Variants in RPS6KC1 observed in about 807,000 individuals in gnomAD.
The protein encoded by RPS6KC1 is ribosomal protein S6 kinase C1.
A neutral mutation model predicts 103.8 loss-of-function variants in RPS6KC1; 54 were observed. That is an observed-to-expected ratio of 0.52 (90% CI 0.42 to 0.65). The LOEUF is 0.65. Ranked by LOEUF, RPS6KC1 falls within the 30% of genes least tolerant of loss-of-function variation. The probability of loss-of-function intolerance (pLI) is 0.00; values close to 1 mark genes in which losing one functional copy is unlikely to be tolerated. For missense variants in RPS6KC1, 1,151 were observed against 1,253.8 expected, an observed-to-expected ratio of 0.92 and a Z score of 1.24; for synonymous variants, 439 against 438.7, an observed-to-expected ratio of 1.00 and a Z score of -0.01.
chr1:213,319,406 G>T, the RPS6KC1 span, among the ~76,000 whole-genome samples: 1 of 151,856 alleles, frequency 6.6e-6, no homozygotes, highest in Admixed American at 6.6e-5. Context: ...GACAGAGTAG[G>T]CAAGGAAGAC....
At chr1:213,545,370 TCAAA>T in the RPS6KC1 span, among the ~76,000 whole-genome samples, 6 of 99,740 alleles carry the variant, frequency 6.0e-5, no homozygotes, top group South Asian at 9.2e-4. Flanking sequence ...AAACTCTGTC[TCAAA>T]TAAATAAATA....
At chr1:213,287,232 ATGTGTGTGTGTG>A in the RPS6KC1 span, among the ~76,000 whole-genome samples, 867 of 146,016 alleles carry the variant, frequency 5.9e-3, 3 homozygotes, top group Non-Finnish European at 8.0e-3. Context: ...TGCCTATACA[ATGTGTGTGTGTG>A]TGTGTGTGTG....
At chr1:213,223,898 GTCC>G (rs2093897779) in intron 8 of RPS6KC1, among the ~76,000 whole-genome samples, 1 of 152,174 alleles carries the variant, frequency 6.6e-6, no homozygotes, top group Non-Finnish European at 1.5e-5. Flanking sequence ...GAGACAGACA[GTCC>G]CTGAAATTAC....
the RPS6KC1 span, among the ~76,000 whole-genome samples, chr1:213,324,784 A>G: frequency 4.0e-5 from 6 of 151,880 alleles, no homozygotes; most frequent in Admixed American, 3.9e-4. Context: ...TCACACAGGA[A>G]GCTGTGAGAT....
chr1:213,602,268 T>C, the RPS6KC1 span, among the ~76,000 whole-genome samples: 1 of 139,286 alleles, frequency 7.2e-6, no homozygotes, highest in Non-Finnish European at 1.5e-5. Flanking sequence ...TTTTTCTTTT[T>C]TTTTTTTCCA....
the RPS6KC1 span, among the ~76,000 whole-genome samples, chr1:213,348,383 G>A: frequency 6.6e-6 from 1 of 152,122 alleles, no homozygotes; most frequent in Admixed American, 6.6e-5. Context: ...GACTCATTTT[G>A]GAGAGGGCAG....
At chr1:213,795,603 A>C in the RPS6KC1 span, among the ~76,000 whole-genome samples, 1 of 151,980 alleles carries the variant, frequency 6.6e-6, no homozygotes, top group Non-Finnish European at 1.5e-5. Flanking sequence ...CAACAAAATC[A>C]CTCCAAAAGT....
the RPS6KC1 span, among the ~76,000 whole-genome samples, chr1:213,854,566 C>CTTTCTTTCTT: frequency 1.1e-3 from 68 of 61,870 alleles, 1 homozygote; most frequent in Middle Eastern, 0.01. Flanking sequence ...CTTTCTTTCT[C>CTTTCTTTCTT]TCTCTCTCTC....
At chr1:213,451,401 C>A in the RPS6KC1 span, among the ~76,000 whole-genome samples, 1 of 152,180 alleles carries the variant, frequency 6.6e-6, no homozygotes, top group Non-Finnish European at 1.5e-5. Context: ...TGTCTTCAAG[C>A]TCAACTTATT....
chr1:213,552,177 C>T, the RPS6KC1 span, among the ~76,000 whole-genome samples: 6 of 152,224 alleles, frequency 3.9e-5, no homozygotes, highest in Non-Finnish European at 7.3e-5. Context: ...GTGCAGGTTT[C>T]TGTGTGGACA....
At chr1:213,189,516 A>G (rs2092673847) in intron 8 of RPS6KC1, among the ~76,000 whole-genome samples, 5 of 149,326 alleles carry the variant, frequency 3.3e-5, no homozygotes, top group Admixed American at 2.7e-4. Context: ...TTTTATTTTT[A>G]ATTTTTGTGG....
intron 4 of RPS6KC1, among the ~76,000 whole-genome samples, chr1:213,116,032 G>A (rs1386887242): frequency 2.0e-5 from 3 of 152,046 alleles, no homozygotes; most frequent in African/African-American, 7.2e-5. Flanking sequence ...ATATTCTGTT[G>A]ATTTGGGGTG....
chr1:213,773,814 A>C, the RPS6KC1 span, among the ~76,000 whole-genome samples: 1 of 152,224 alleles, frequency 6.6e-6, no homozygotes, highest in Non-Finnish European at 1.5e-5. Context: ...ACTTAAGGTC[A>C]ACTGATTGCA....
At chr1:213,463,698 C>T in the RPS6KC1 span, among the ~76,000 whole-genome samples, 2 of 152,076 alleles carry the variant, frequency 1.3e-5, no homozygotes, top group Non-Finnish European at 2.9e-5. Flanking sequence ...CACTCAAGGG[C>T]AATTTTATGC....
At chr1:213,567,127 A>G in the RPS6KC1 span, among the ~76,000 whole-genome samples, 1 of 152,204 alleles carries the variant, frequency 6.6e-6, no homozygotes, top group Non-Finnish European at 1.5e-5. Flanking sequence ...TAGAATATGC[A>G]TCTACAGTAA....
chr1:213,506,240 T>G, the RPS6KC1 span, among the ~76,000 whole-genome samples: 1 of 152,196 alleles, frequency 6.6e-6, no homozygotes, highest in African/African-American at 2.4e-5. Flanking sequence ...AATTGGTAAG[T>G]AACGAGATGA....
chr1:213,834,901 G>A, the RPS6KC1 span, among the ~76,000 whole-genome samples: 17 of 152,314 alleles, frequency 1.1e-4, no homozygotes, highest in East Asian at 3.3e-3. Flanking sequence ...TGGGGAAATC[G>A]CAGCCATCAA....
intron 6 of RPS6KC1, among the ~76,000 whole-genome samples, chr1:213,145,532 T>C (rs904072671): frequency 5.9e-5 from 9 of 151,938 alleles, no homozygotes; most frequent in African/African-American, 2.2e-4. Flanking sequence ...AAAAAAGATA[T>C]CCCAAAAGGA....
intron 4 of RPS6KC1, among the ~76,000 whole-genome samples, chr1:213,113,385 C>A (rs2083235625): frequency 6.6e-6 from 1 of 152,070 alleles, no homozygotes; most frequent in Non-Finnish European, 1.5e-5. Flanking sequence ...CTGTTCTTGT[C>A]CTTCGCCCAC....
Sources: allele counts gnomAD v4.1 joint callset (sites outside exome capture counted in the v4.1 genomes callset), GRCh38; gene constraint gnomAD v4.1.1; transcripts MANE v1.5; gene names NCBI Gene and HGNC (gene_info 2026-07-23, HGNC 2026-07-21).